Variants in TMEM132E observed in about 807,000 individuals in gnomAD.
The protein encoded by TMEM132E is transmembrane protein 132E.
In TMEM132E, 49 loss-of-function variants were observed where a neutral mutation model predicts 78.5. That is an observed-to-expected ratio of 0.62 (90% CI 0.50 to 0.79). TMEM132E has a LOEUF of 0.79. Ranked by LOEUF, TMEM132E falls within the 30% of genes least tolerant of loss-of-function variation. TMEM132E has a pLI of 0.00. For missense variants in TMEM132E, 1,403 were observed against 1,470.9 expected, an observed-to-expected ratio of 0.95 and a Z score of 0.75; for synonymous variants, 715 against 670.6, an observed-to-expected ratio of 1.07 and a Z score of -1.02.
At position 34,637,335 on chromosome 17, in the gene TMEM132E, C is replaced by G; in HGVS notation, c.2328C>G (p.Ala776=). 6.2e-7 allele frequency: 1 copy of G among 1,614,036 alleles called. No individual in the cohort carries two copies. The highest frequency in any genetic ancestry group is 8.5e-7 in the Non-Finnish European group (1 of 1,180,034). The change falls in exon 9 of 9, where the codon GCC becomes GCG. Residue 776 remains alanine, a synonymous_variant. Transcript: ENST00000631683. ...CCTTCCCTCTGGTAGTGGCTGAGGCCGAGGGGTCAGGGGAGCTGCTTCGCG... is the reference window on the plus strand; with the variant it reads ...CCTTCCCTCTGGTAGTGGCTGAGGCGGAGGGGTCAGGGGAGCTGCTTCGCG... ...DRAFPLVVAE[A]EGSGELLRAE...
chr17:34,627,467 C>CGTGTGTGTGTGTGTGTGTGTGTGTGT (rs145658598), intron 2 of TMEM132E, among the ~76,000 whole-genome samples: 2,789 of 126,424 alleles, frequency 0.022, 125 homozygotes, highest in Non-Finnish European at 0.029. Context: ...CCAAAAGAAT[C>CGTGTGTGTGTGTGTGTGTGTGTGTGT]GTGTGTGTGT....
chr17:34,593,841 A>G (rs1905966099), intron 1 of TMEM132E, among the ~76,000 whole-genome samples: 1 of 152,242 alleles, frequency 6.6e-6, no homozygotes, highest in Non-Finnish European at 1.5e-5. Flanking sequence ...TCATACCACC[A>G]GCATGATCTG....
At chr17:34,584,332 G>A (rs145941821) in intron 1 of TMEM132E, among the ~76,000 whole-genome samples, 14 of 152,270 alleles carry the variant, frequency 9.2e-5, no homozygotes, top group East Asian at 5.8e-4. Context: ...CCTTCAAAGC[G>A]GAGTTCAAAT....
chr17:34,633,056 G>A, intron 6 of TMEM132E, 147 bp downstream of exon 6: 1 of 840,418 alleles, frequency 1.2e-6, no homozygotes, highest in Non-Finnish European at 1.9e-6. Context: ...TCATTGACCA[G>A]CTACTGTGTG....
chr17:34,636,679 A>C (rs1907531140), intron 8 of TMEM132E, among the ~76,000 whole-genome samples: 1 of 152,102 alleles, frequency 6.6e-6, no homozygotes, highest in Admixed American at 6.5e-5. Context: ...CCATCACCCC[A>C]AGGCAATCAC....
intron 1 of TMEM132E, among the ~76,000 whole-genome samples, chr17:34,613,152 A>ACTCTCT (rs141732934): frequency 9.2e-5 from 9 of 97,646 alleles, no homozygotes; most frequent in African/African-American, 3.0e-4. Context: ...TGGCACTCAC[A>ACTCTCT]CTCTCTCTCT....
Position 34,596,839 on chromosome 17 carries a change from T to C in TMEM132E, c.67+15696T>C, listed in dbSNP as rs60482187. On this transcript the variant is annotated intron_variant, in intron 1 of 8. Transcript: ENST00000631683. ...TGGCCCCTAAATGATTTCTGTAAAT[T>C]GCTCTAAGTAGCTCAAAAAAAAAAA... is the stretch of plus-strand genomic sequence containing the variant. 0.01 allele frequency among the ~76,000 whole-genome samples: 1,389 copies of C among 133,778 alleles called. 76 individuals are homozygous for C. In the East Asian group the frequency reaches 0.17, roughly 16 times the overall value. The allele number at this position is 133,778 out of a possible 152,430, so 87.8% of individuals were successfully genotyped here. A position where few individuals can be genotyped will look rare whatever the true frequency, so the allele number is the denominator to read the frequency against.
intron 7 of TMEM132E, 80 bp from the exon 8 acceptor site, chr17:34,635,927 G>T: frequency 7.7e-7 from 1 of 1,294,454 alleles, no homozygotes; most frequent in Non-Finnish European, 1.0e-6. Flanking sequence ...GCAGTGCTGG[G>T]ATTTCTCCCT....
intron 1 of TMEM132E, among the ~76,000 whole-genome samples, chr17:34,614,078 G>C (rs1158710352): frequency 6.6e-6 from 1 of 152,212 alleles, no homozygotes; most frequent in African/African-American, 2.4e-5. Context: ...CTAGGGTGCT[G>C]GGGGGTGAAG....
intron 4 of TMEM132E, 92 bp from the exon 5 acceptor site, chr17:34,629,916 G>GT (rs1034493817): frequency 1.9e-5 from 26 of 1,404,038 alleles, no homozygotes; most frequent in Middle Eastern, 5.1e-4. Context: ...CTGAGGAGTG[G>GT]GGGGGGAGCG....
intron 1 of TMEM132E, among the ~76,000 whole-genome samples, chr17:34,598,349 G>A (rs1906122827): frequency 6.6e-6 from 1 of 152,140 alleles, no homozygotes; most frequent in Admixed American, 6.5e-5. Context: ...GGCACAGTGG[G>A]GGAGACAGTC....
chr17:34,621,511 T>A (rs1400128088), intron 1 of TMEM132E, among the ~76,000 whole-genome samples: 2 of 152,080 alleles, frequency 1.3e-5, no homozygotes, highest in Non-Finnish European at 2.9e-5. Context: ...AGGGTTAGGA[T>A]CTCAAGGGCA....
chr17:34,627,122 GTGGGTGGGTT>G, intron 2 of TMEM132E, 65 bp downstream of exon 2: 1 of 1,489,456 alleles, frequency 6.7e-7, no homozygotes, highest in Non-Finnish European at 9.3e-7. Context: ...CTGACTCCTT[GTGGGTGGGTT>G]GGGGGGTGGG....
Position 34,630,001 on chromosome 17 carries a change from C to T in TMEM132E, c.1339-7C>T. The T allele has an allele frequency of 6.3e-7, 1 of 1,595,770 alleles. No individual in the cohort carries two copies. The highest frequency in any genetic ancestry group is 8.6e-7 in the Non-Finnish European group (1 of 1,165,544). ...CAAGTAGAGCCCCCCCCTTCTCCTC[C>T]CTGCAGGACACAGAGATCATCAACA... On this transcript the variant is annotated splice_region_variant and splice_polypyrimidine_tract_variant and intron_variant, in intron 4 of 8. Coordinates refer to ENST00000631683, the MANE Select transcript of TMEM132E (RefSeq NM_001304438.2).
chr17:34,613,063 G>T (rs946399271), intron 1 of TMEM132E, among the ~76,000 whole-genome samples: 1 of 151,592 alleles, frequency 6.6e-6, no homozygotes, highest in African/African-American at 2.4e-5. Context: ...GAGGGGTGAG[G>T]TGGTTCCCCA....
intron 1 of TMEM132E, among the ~76,000 whole-genome samples, chr17:34,597,566 G>T (rs1567712550): frequency 6.6e-6 from 1 of 152,068 alleles, no homozygotes. Flanking sequence ...AGGAGGTCCT[G>T]TGGCCAGAGA....
chr17:34,629,350 T>TG, intron 4 of TMEM132E, 146 bp downstream of exon 4: 1 of 914,608 alleles, frequency 1.1e-6, no homozygotes, highest in African/African-American at 1.7e-5. Flanking sequence ...GGTATGCCTG[T>TG]GTGAGAAGGT....
At chr17:34,628,803 G>T (rs1187515430) in intron 3 of TMEM132E, 94 bp downstream of exon 3, 2 of 1,446,090 alleles carry the variant, frequency 1.4e-6, no homozygotes, top group Non-Finnish European at 1.8e-6. Context: ...GGCTTGGGGA[G>T]GGCTGGGGCT....
rs757511551 is a variant in TMEM132E at position 34,637,489 on chromosome 17, A to AG, written c.2483dup (p.Ser828ArgfsTer202). On this transcript the variant is annotated frameshift_variant, in exon 9 of 9. Coordinates refer to ENST00000631683, the MANE Select transcript of TMEM132E (RefSeq NM_001304438.2). LOFTEE classifies it high-confidence loss of function. ...CCCCACTTATGACTACCCGGGCCCCAGCCAACCAGGGCCCGGCGGGGGCGA... is the reference window on the plus strand; with the variant it reads ...CCCCACTTATGACTACCCGGGCCCCAGGCCAACCAGGGCCCGGCGGGGGCGA... The AG allele has an allele frequency of 6.2e-7, 1 of 1,610,064 alleles. No homozygotes were observed. Among genetic ancestry groups the AG allele is most frequent in the Non-Finnish European group, 8.5e-7 (1 of 1,178,636 alleles).
Sources: allele counts gnomAD v4.1 joint callset (sites outside exome capture counted in the v4.1 genomes callset), GRCh38; gene constraint gnomAD v4.1.1; transcripts MANE v1.5; gene names NCBI Gene and HGNC (gene_info 2026-07-23, HGNC 2026-07-21).